Variants in FKBP6 observed in about 807,000 individuals in gnomAD.
FKBP6 encodes FKBP prolyl isomerase family member 6 (inactive).
A neutral mutation model predicts 41.7 loss-of-function variants in FKBP6; 29 were observed. That is an observed-to-expected ratio of 0.70 (90% CI 0.52 to 0.95). The LOEUF is 0.95. Ranked by LOEUF, FKBP6 falls within the 40% of genes least tolerant of loss-of-function variation. The pLI is 0.00. For synonymous variants in FKBP6, 130 were observed against 165.1 expected (o/e 0.79, Z 1.63); for missense variants, 338 against 408.7 (o/e 0.83, Z 1.49).
Position 73,341,309 on chromosome 7 carries a change from G to A in FKBP6, c.820G>A (p.Asp274Asn). 3 of 1,613,768 alleles carry A rather than the reference G, an allele frequency of 1.9e-6. No homozygotes were observed. The highest frequency in any genetic ancestry group is 2.5e-6 in the Non-Finnish European group (3 of 1,179,646). The change falls in exon 7 of 9, where the codon GAT becomes AAT. Residue 274 changes from aspartate (D) to asparagine (N), a missense_variant. Physicochemically the swap from Asp to Asn is conservative, Grantham distance 23 (BLOSUM62 1). Coordinates refer to ENST00000252037, the MANE Select transcript of FKBP6 (RefSeq NM_003602.5). ...LLLTEYQKAR[D>N]FLVRAQKEQP... The stretch of plus-strand genomic sequence containing the variant: ...CCTGACTGAGTATCAAAAGGCCCGG[G>A]ATTTTCTAGTTCGAGCCCAGAAGGA...
rs1804846561 is a variant in FKBP6, at chr7:73,331,666, G to A, written c.478G>A (p.Asp160Asn). Residue 160 changes from aspartate (D) to asparagine (N), a missense_variant, in exon 5 of 9, where the codon GAC becomes AAC. By Grantham distance (23) the Asp-to-Asn change is conservative (BLOSUM62 1). This residue lies in a region of FKBP6 where 239 missense variants were observed against 250.1 expected (regional missense o/e 0.96). Transcript: ENST00000252037. The part of the protein sequence containing the change: ...KFCALSAEQQ[D>N]QFPLQKVLKV... ...TGTCTCTGGTCCTCAGGAGCAGCAA[G>A]ACCAATTTCCACTTCAGAAGGTCCT... 18 of 1,613,876 alleles carry A rather than the reference G, an allele frequency of 1.1e-5. No homozygotes were observed. Among genetic ancestry groups the A allele is most frequent in the Non-Finnish European group, 1.4e-5 (17 of 1,179,802 alleles).
intron 8 of FKBP6, among the ~76,000 whole-genome samples, chr7:73,351,685 C>T (rs1473370183): frequency 6.6e-6 from 1 of 152,192 alleles, no homozygotes; most frequent in Non-Finnish European, 1.5e-5. Context: ...CACATCCTCT[C>T]TTGGCAGCCG....
At chr7:73,354,124 C>G (rs1176883266) in intron 8 of FKBP6, among the ~76,000 whole-genome samples, 1 of 152,154 alleles carries the variant, frequency 6.6e-6, no homozygotes, top group Non-Finnish European at 1.5e-5. Flanking sequence ...CAGAGCCATG[C>G]TGTGAGGCCT....
At chr7:73,345,091 G>A (rs1354058937) in intron 8 of FKBP6, among the ~76,000 whole-genome samples, 2 of 152,056 alleles carry the variant, frequency 1.3e-5, no homozygotes, top group Admixed American at 1.3e-4. Context: ...AGGAAATGTT[G>A]GTTGGACTAA....
At chr7:73,330,697 A>G (rs1804813326) in intron 4 of FKBP6, among the ~76,000 whole-genome samples, 3 of 152,200 alleles carry the variant, frequency 2.0e-5, no homozygotes, top group African/African-American at 7.2e-5. Flanking sequence ...GTAGCTCATA[A>G]CTAGGGTGAC....
intron 7 of FKBP6, 44 bp from the exon 8 acceptor site, chr7:73,342,763 C>A: frequency 7.2e-7 from 1 of 1,382,354 alleles, no homozygotes; most frequent in South Asian, 1.2e-5. Flanking sequence ...GTCACCTCCT[C>A]CAAACACAGA....
intron 8 of FKBP6, among the ~76,000 whole-genome samples, chr7:73,355,331 G>A (rs1242065669): frequency 4.6e-5 from 7 of 152,198 alleles, no homozygotes; most frequent in East Asian, 1.9e-4. Context: ...ACCTCTGTGC[G>A]ATACATGTAT....
intron 8 of FKBP6, among the ~76,000 whole-genome samples, chr7:73,350,671 C>T (rs782659929): frequency 3.9e-5 from 6 of 152,054 alleles, no homozygotes; most frequent in Non-Finnish European, 7.4e-5. Flanking sequence ...AGTCAGGAGG[C>T]CCAAGTGGAA....
chr7:73,340,462 A>G (rs1417478179), intron 5 of FKBP6, among the ~76,000 whole-genome samples, 176 bp from the exon 6 acceptor site: 3 of 152,194 alleles, frequency 2.0e-5, no homozygotes, highest in Admixed American at 6.5e-5. Context: ...CGACAGAACA[A>G]GACTCCGTCT....
At chr7:73,344,057 C>G (rs1481977144) in intron 8 of FKBP6, among the ~76,000 whole-genome samples, 1 of 152,252 alleles carries the variant, frequency 6.6e-6, no homozygotes, top group African/African-American at 2.4e-5. Context: ...CCCTGGCCTT[C>G]AGGTCTTTCA....
chr7:73,333,588 C>T (rs1397868003), intron 5 of FKBP6, among the ~76,000 whole-genome samples: 2 of 152,214 alleles, frequency 1.3e-5, no homozygotes, highest in Non-Finnish European at 1.5e-5. Context: ...CAGGTGACCC[C>T]GCAATGCGTG....
At chr7:73,353,079 C>T (rs1805533899) in intron 8 of FKBP6, among the ~76,000 whole-genome samples, 1 of 152,002 alleles carries the variant, frequency 6.6e-6, no homozygotes, top group Admixed American at 6.6e-5. Context: ...AATATTTCTC[C>T]CTCTCTCCCT....
Position 73,342,803 on chromosome 7 carries a change from C to G in FKBP6, c.894-4C>G, listed in dbSNP as rs11977895. On this transcript the variant is annotated splice_polypyrimidine_tract_variant and splice_region_variant and intron_variant, in intron 7 of 8. Coordinates refer to ENST00000252037, the MANE Select transcript of FKBP6 (RefSeq NM_003602.5). ...CTCTAACAAGTGTGTATTTCCCTCT[C>G]CAGCTGTTACAGGGACTATGTGGAT... The G allele has an allele frequency of 9.7e-4, 1,565 of 1,607,044 alleles. 23 individuals are homozygous for G. The African/African-American group carries it at 0.019, about 20-fold the overall frequency.
chr7:73,357,371 T>C (rs1371859775), intron 8 of FKBP6, among the ~76,000 whole-genome samples: 1 of 149,820 alleles, frequency 6.7e-6, no homozygotes, highest in Non-Finnish European at 1.5e-5. Context: ...CAATTCTCCT[T>C]GCCTTAGTCT....
At chr7:73,333,213 A>G (rs1416951289) in intron 5 of FKBP6, among the ~76,000 whole-genome samples, 2 of 151,198 alleles carry the variant, frequency 1.3e-5, no homozygotes, top group East Asian at 2.0e-4. Flanking sequence ...GGAGGTTGCA[A>G]TGAGCCAAGA....
intron 8 of FKBP6, 75 bp downstream of exon 8, chr7:73,342,974 TGGTGGCTG>T: frequency 2.0e-6 from 2 of 1,008,076 alleles, no homozygotes; most frequent in South Asian, 1.3e-5. Flanking sequence ...CCCAAGTGAA[TGGTGGCTG>T]TCTGCAGCTG....
chr7:73,342,920 G>T, intron 8 of FKBP6, 21 bp downstream of exon 8: 1 of 1,536,828 alleles, frequency 6.5e-7, no homozygotes, highest in Non-Finnish European at 9.0e-7. Flanking sequence ...GGCCAGGGTG[G>T]CACACAGGCT....
In FKBP6 at chr7:73,328,378, A is replaced by C. The variant is rs1224510135; in HGVS notation, c.-51A>C. 5.1e-6 allele frequency: 8 copies of C among 1,569,904 alleles called. No homozygotes were observed. In the African/African-American group the frequency reaches 1.1e-4, roughly 21 times the overall value. ...CACCAGAGTCACAGCCAGGGAGGGCAGCGGGGCGCACCAGGCCGAAGGCTC... is the reference window on the plus strand; with the variant it reads ...CACCAGAGTCACAGCCAGGGAGGGCCGCGGGGCGCACCAGGCCGAAGGCTC... On this transcript the variant is annotated 5_prime_UTR_variant, in exon 1 of 9. Transcript: ENST00000252037.
At chr7:73,337,309 C>CTTTTTTT (rs5884903) in intron 5 of FKBP6, among the ~76,000 whole-genome samples, 21 of 112,476 alleles carry the variant, frequency 1.9e-4, no homozygotes, top group Non-Finnish European at 2.6e-4. Flanking sequence ...CTTCCATGTT[C>CTTTTTTT]TTTTTTTTTT....
Sources: allele counts gnomAD v4.1 joint callset (sites outside exome capture counted in the v4.1 genomes callset), GRCh38; gene constraint gnomAD v4.1.1; regional missense constraint gnomAD v4.1.1; transcripts MANE v1.5; gene names NCBI Gene and HGNC (gene_info 2026-07-23, HGNC 2026-07-21).